GRIN3A: variants seen among roughly 807,000 people sequenced by gnomAD.
GRIN3A encodes glutamate ionotropic receptor NMDA type subunit 3A.
In GRIN3A, 47 loss-of-function variants were observed where a neutral mutation model predicts 92.4. That is an observed-to-expected ratio of 0.51 (90% CI 0.40 to 0.65). The LOEUF is 0.65. Ranked by LOEUF, GRIN3A falls within the 30% of genes least tolerant of loss-of-function variation. The pLI is 0.00. For missense variants in GRIN3A, 1,324 were observed against 1,393.1 expected, an observed-to-expected ratio of 0.95 and a Z score of 0.79; for synonymous variants, 527 against 540.6, an observed-to-expected ratio of 0.97 and a Z score of 0.35.
intron 4 of GRIN3A, among the ~76,000 whole-genome samples, chr9:101,624,145 T>A (rs1349685424): frequency 6.6e-6 from 1 of 152,256 alleles, no homozygotes; most frequent in African/African-American, 2.4e-5. Context: ...TTATTGTGAC[T>A]ATGTCCTGAG....
At chr9:101,724,485 C>T (rs1452698562) in intron 1 of GRIN3A, among the ~76,000 whole-genome samples, 1 of 152,144 alleles carries the variant, frequency 6.6e-6, no homozygotes, top group Non-Finnish European at 1.5e-5. Context: ...CCGCTCGCGC[C>T]TCTCCCTCCG....
chr9:101,686,893 C>G lies in GRIN3A; in HGVS notation c.1007G>C (p.Arg336Pro), dbSNP rs763495503. The change falls in exon 2 of 9, where the codon CGG becomes CCG. Residue 336 changes from arginine (R) to proline (P), a missense_variant. Physicochemically the swap from Arg to Pro is moderately radical, Grantham distance 103 (BLOSUM62 -2). Transcript: ENST00000361820. ...VMFGCDMESI[R>P]RIFEITTQFG... ...CTGGGTTGTAATTTCGAAAATCCGC[C>G]GGATACTTTCCATGTCGCAGCCAAA... 6.2e-7 allele frequency: 1 copy of G among 1,614,202 alleles called. No homozygotes were observed. Among genetic ancestry groups the G allele is most frequent in the South Asian group, 1.1e-5 (1 of 91,082 alleles).
At chr9:101,578,664 C>T (rs549702581) in intron 7 of GRIN3A, among the ~76,000 whole-genome samples, 1 of 152,168 alleles carries the variant, frequency 6.6e-6, no homozygotes, top group Non-Finnish European at 1.5e-5. Flanking sequence ...CACCAGTCTG[C>T]TTGACAGTTT....
intron 5 of GRIN3A, among the ~76,000 whole-genome samples, chr9:101,613,859 C>A (rs1476081903): frequency 6.6e-6 from 1 of 152,164 alleles, no homozygotes; most frequent in African/African-American, 2.4e-5. Context: ...TCCTATCTAC[C>A]TCTTCCAGAA....
chr9:101,655,598 A>G (rs1175888111), intron 3 of GRIN3A, among the ~76,000 whole-genome samples: 2 of 151,944 alleles, frequency 1.3e-5, no homozygotes, highest in Non-Finnish European at 2.9e-5. Context: ...CCCAAAAATT[A>G]TGATGGATCT....
chr9:101,573,212 C>T lies in GRIN3A; in HGVS notation c.3310G>A (p.Glu1104Lys), dbSNP rs1000793266. 3 of 1,613,988 alleles carry T rather than the reference C, an allele frequency of 1.9e-6. No individual in the cohort carries two copies. The highest frequency in any genetic ancestry group is 2.5e-6 in the Non-Finnish European group (3 of 1,179,974). ...QLAVSRKTEL[E>K]EYQRTSRTCE... The stretch of plus-strand genomic sequence containing the variant: ...GTCCGACTTGTCCTTTGATACTCCT[C>T]CAGCTCCGTTTTCCTGCTCACAGCC... Residue 1104 changes from glutamate to lysine, a missense_variant, in exon 9 of 9, where the codon GAG becomes AAG. Transcript: ENST00000361820.
chr9:101,575,507 C>T (rs1827814241), intron 8 of GRIN3A, among the ~76,000 whole-genome samples: 1 of 152,046 alleles, frequency 6.6e-6, no homozygotes, highest in Non-Finnish European at 1.5e-5. Flanking sequence ...TAGACCAAAA[C>T]CTTATGTGAA....
chr9:101,612,026 T>C lies in GRIN3A; in HGVS notation c.2766+1350A>G, dbSNP rs559231944. Among the ~76,000 whole-genome samples the C allele has an allele frequency of 5.9e-5, 9 of 152,280 alleles. 1 individual carries two copies. In the East Asian group the frequency reaches 9.7e-4, roughly 16 times the overall value. Reference sequence around the variant, plus strand: ...GGGCAGGGCCAGGTCCCACAGGGCATTGTGGGCTATGCCAATGTTTCAGAT... The same window carrying C: ...GGGCAGGGCCAGGTCCCACAGGGCACTGTGGGCTATGCCAATGTTTCAGAT... On this transcript the variant is annotated intron_variant, in intron 6 of 8. Transcript: ENST00000361820.
intron 2 of GRIN3A, among the ~76,000 whole-genome samples, chr9:101,674,376 T>C (rs1290135860): frequency 6.6e-6 from 1 of 152,086 alleles, no homozygotes; most frequent in Admixed American, 6.6e-5. Context: ...CCTCTTTTAC[T>C]CTCTCTCTGC....
chr9:101,677,570 T>G (rs1054325781), intron 2 of GRIN3A, among the ~76,000 whole-genome samples: 1 of 152,122 alleles, frequency 6.6e-6, no homozygotes, highest in Non-Finnish European at 1.5e-5. Flanking sequence ...TACTTCCCTT[T>G]ATTTTTTTAT....
At chr9:101,724,201 G>T (rs1362695671) in intron 1 of GRIN3A, among the ~76,000 whole-genome samples, 3 of 152,192 alleles carry the variant, frequency 2.0e-5, no homozygotes, top group African/African-American at 7.2e-5. Flanking sequence ...CCGCACAGGA[G>T]CCCACTGAGG....
intron 6 of GRIN3A, among the ~76,000 whole-genome samples, chr9:101,610,409 C>T (rs1828345868): frequency 6.6e-6 from 1 of 152,086 alleles, no homozygotes; most frequent in Admixed American, 6.6e-5. Context: ...TTACTCAATG[C>T]CATTTTTCAA....
intron 1 of GRIN3A, among the ~76,000 whole-genome samples, chr9:101,714,240 G>A (rs569428691): frequency 6.6e-6 from 1 of 152,154 alleles, no homozygotes; most frequent in African/African-American, 2.4e-5. Context: ...TATGAAACAT[G>A]AAAAATTCAC....
chr9:101,577,752 A>G lies in GRIN3A; in HGVS notation c.3008+16T>C. 1.9e-6 allele frequency: 3 copies of G among 1,576,896 alleles called. No homozygotes were observed. The highest frequency in any genetic ancestry group is 2.6e-6 in the Non-Finnish European group (3 of 1,146,664). The stretch of plus-strand genomic sequence containing the variant: ...TTTTACAAATATAAAGACAGTTGCC[A>G]TTGGCCCCTTCTTACCTCTTTTCCA... On this transcript the variant is annotated intron_variant, in intron 8 of 8. Transcript: ENST00000361820.
Position 101,647,494 on chromosome 9 carries a change from G to A in GRIN3A, c.2353-19093C>T, listed in dbSNP as rs554494145. ...TGTCTTTGTCTGGTTTTGGTACTAG[G>A]ATGCTGTTGATCTTGTAGAATGAGT... On this transcript the variant is annotated intron_variant, in intron 3 of 8. Coordinates refer to ENST00000361820, the MANE Select transcript of GRIN3A (RefSeq NM_133445.3). 1.7e-4 allele frequency among the ~76,000 whole-genome samples: 26 copies of A among 151,628 alleles called. No homozygotes were observed. The South Asian group carries it at 5.4e-3, about 32-fold the overall frequency.
intron 6 of GRIN3A, among the ~76,000 whole-genome samples, chr9:101,590,775 A>G (rs980014286): frequency 2.4e-4 from 37 of 152,310 alleles, no homozygotes; most frequent in Non-Finnish European, 4.4e-4. Context: ...CTATCTCTTA[A>G]CAGAAAGAAA....
At chr9:101,594,663 C>A (rs1828088277) in intron 6 of GRIN3A, 3 of 1,614,100 alleles carry the variant, frequency 1.9e-6, no homozygotes, top group Non-Finnish European at 2.5e-6. Context: ...TGCTCCTCGT[C>A]GCCCTTGACG....
chr9:101,716,811 T>C (rs1829953455), intron 1 of GRIN3A, among the ~76,000 whole-genome samples: 1 of 152,172 alleles, frequency 6.6e-6, no homozygotes, highest in South Asian at 2.1e-4. Context: ...GTTTGTTTTT[T>C]AAAAAGTGAG....
chr9:101,631,626 C>G lies in GRIN3A; in HGVS notation c.2353-3225G>C, dbSNP rs149485816. ...TCAGAATTCTGCTGGAGGACTGTCT[C>G]TTTGTGTTTTTCCTTTGCATGACTT... On this transcript the variant is annotated intron_variant, in intron 3 of 8. Coordinates refer to ENST00000361820, the MANE Select transcript of GRIN3A (RefSeq NM_133445.3). 2.0e-5 allele frequency among the ~76,000 whole-genome samples: 3 copies of G among 152,232 alleles called. No individual in the cohort carries two copies. In the East Asian group the frequency reaches 5.8e-4, roughly 29 times the overall value.
Sources: gnomAD v4.1 joint callset for allele counts (sites outside exome capture counted in the v4.1 genomes callset) on GRCh38, gnomAD v4.1.1 for gene constraint, MANE v1.5 for transcripts, NCBI Gene and HGNC (gene_info 2026-07-23, HGNC 2026-07-21) for gene names.